Variants in NUDC observed in about 807,000 individuals in gnomAD.
NUDC encodes nuclear distribution C, dynein complex regulator.
In NUDC, 14 loss-of-function variants were observed where a neutral mutation model predicts 45.0. The ratio of observed to expected loss-of-function variants is 0.31; its 90% confidence interval spans 0.21 to 0.49. NUDC has a LOEUF of 0.49. Ranked by LOEUF, NUDC falls within the 20% of genes least tolerant of loss-of-function variation. NUDC has a pLI of 0.99. For missense variants in NUDC, 323 were observed against 426.2 expected, an observed-to-expected ratio of 0.76 and a Z score of 2.13; for synonymous variants, 153 against 156.7, an observed-to-expected ratio of 0.98 and a Z score of 0.17.
chr1:26,942,223 G>T (rs924638090), intron 4 of NUDC, among the ~76,000 whole-genome samples: 1 of 152,078 alleles, frequency 6.6e-6, no homozygotes, highest in African/African-American at 2.4e-5. Flanking sequence ...CCCGGGAGGC[G>T]GAGGTTGCCA....
intron 5 of NUDC, 35 bp downstream of exon 5, chr1:26,942,811 G>A (rs142314176): frequency 1.9e-6 from 3 of 1,614,042 alleles, no homozygotes; most frequent in Non-Finnish European, 2.5e-6. Flanking sequence ...AGCTTAGGGG[G>A]CCAGCCTGGG....
At position 26,933,316 on chromosome 1, in the gene NUDC, G is replaced by C. The variant is rs574012820; in HGVS notation, c.160-8141G>C. Among the ~76,000 whole-genome samples the C allele has an allele frequency of 2.6e-5, 4 of 152,040 alleles. No individual in the cohort carries two copies. The South Asian group carries it at 8.3e-4, about 32-fold the overall frequency. On this transcript the variant is annotated intron_variant, in intron 2 of 8. Coordinates refer to ENST00000321265, the MANE Select transcript of NUDC (RefSeq NM_006600.4). Reference sequence around the variant, plus strand: ...CTTGGTTATTGTGCATAGTACTTTTGTGAACATAGGTGCACAAATCTTTTG... The same window carrying C: ...CTTGGTTATTGTGCATAGTACTTTTCTGAACATAGGTGCACAAATCTTTTG...
At chr1:26,918,115 A>G (rs999130937), upstream of NUDC, among the ~76,000 whole-genome samples, 2 of 151,230 alleles carry the variant, frequency 1.3e-5, no homozygotes, top group Non-Finnish European at 2.9e-5. Flanking sequence ...CCCCTTGTGT[A>G]TTTATACTTC....
At chr1:26,943,916 C>T (rs1224833155) in intron 6 of NUDC, among the ~76,000 whole-genome samples, 3 of 152,080 alleles carry the variant, frequency 2.0e-5, no homozygotes, top group Admixed American at 6.5e-5. Flanking sequence ...CTTGCTTTGT[C>T]GCCCAGGCTG....
chr1:26,940,928 A>T (rs925042465), intron 2 of NUDC, among the ~76,000 whole-genome samples: 5 of 142,124 alleles, frequency 3.5e-5, no homozygotes, highest in African/African-American at 1.3e-4. Context: ...ATTTATTATT[A>T]TTATTTTTTT....
intron 3 of NUDC, chr1:26,911,277 T>G (rs537106881): frequency 2.4e-6 from 1 of 420,826 alleles, no homozygotes; most frequent in African/African-American, 2.1e-5. Context: ...GGGGAGCGGT[T>G]AGTGAAGGGT....
In NUDC at chr1:26,921,744, C is replaced by G; in HGVS notation, c.-105C>G. Reference sequence around the variant, plus strand: ...CGCGTGCGTGTTTCCGGCTCCGCTGCGGAAGGCGGACGACTAGAGTCGTTG... The same window carrying G: ...CGCGTGCGTGTTTCCGGCTCCGCTGGGGAAGGCGGACGACTAGAGTCGTTG... On this transcript the variant is annotated 5_prime_UTR_variant, in exon 1 of 9. Transcript: ENST00000321265. 1.6e-6 allele frequency: 2 copies of G among 1,253,256 alleles called. No individual in the cohort carries two copies. The highest frequency in any genetic ancestry group is 2.3e-6 in the Non-Finnish European group (2 of 884,914). 77.6% of individuals were successfully genotyped at this position (1,253,256 alleles called of 1,614,324 possible). A position where few individuals can be genotyped will look rare whatever the true frequency, so the allele number is the denominator to read the frequency against.
intron 2 of NUDC, among the ~76,000 whole-genome samples, chr1:26,939,128 G>A (rs115543599): frequency 0.034 from 5,243 of 152,182 alleles, 136 homozygotes; most frequent in Non-Finnish European, 0.051. Context: ...CAGGTAGCTG[G>A]GACTACTGGC....
chr1:26,936,967 C>G (rs1056488542), intron 2 of NUDC, among the ~76,000 whole-genome samples: 3 of 152,162 alleles, frequency 2.0e-5, no homozygotes, highest in Admixed American at 1.3e-4. Flanking sequence ...GCCCACTTGA[C>G]ACACCAGTTA....
intron 3 of NUDC, 41 bp downstream of exon 3, chr1:26,941,701 CT>C (rs780515097): frequency 8.4e-5 from 136 of 1,613,128 alleles, no homozygotes; most frequent in Non-Finnish European, 1.1e-4. Flanking sequence ...CAGATCCCCC[CT>C]GGCACTGAGC....
At chr1:26,900,374 C>T in exon 1 of NUDC, 1 of 1,614,028 alleles carries the variant, frequency 6.2e-7, no homozygotes, top group Non-Finnish European at 8.5e-7. Flanking sequence ...CCGAGCGCAA[C>T]ACGGAGGGGA....
intron 1 of NUDC, among the ~76,000 whole-genome samples, chr1:26,923,146 G>A (rs1414778240): frequency 1.3e-5 from 2 of 152,180 alleles, no homozygotes; most frequent in East Asian, 3.9e-4. Context: ...CAGCATTGCA[G>A]GTGGCAGACA....
chr1:26,923,441 T>C (rs574428625), intron 1 of NUDC, among the ~76,000 whole-genome samples: 54 of 152,272 alleles, frequency 3.5e-4, no homozygotes, highest in Non-Finnish European at 5.7e-4. Context: ...CTTCATTTGC[T>C]CTCCTCCTTC....
chr1:26,901,405 T>C (rs1171022617), intron 1 of NUDC, among the ~76,000 whole-genome samples: 1 of 140,194 alleles, frequency 7.1e-6, no homozygotes, highest in Non-Finnish European at 1.6e-5. Flanking sequence ...GTCTTTTTTT[T>C]TTTTTTTTTT....
At chr1:26,941,996 T>TA (rs1481333657) in intron 4 of NUDC, among the ~76,000 whole-genome samples, 178 bp downstream of exon 4, 2 of 151,986 alleles carry the variant, frequency 1.3e-5, no homozygotes, top group African/African-American at 2.4e-5. Flanking sequence ...GGATCCAGGT[T>TA]AAAAAAATAA....
Position 26,945,838 on chromosome 1 carries a change from C to T in NUDC, c.944+152C>T, listed in dbSNP as rs924645653. The T allele has an allele frequency of 5.2e-6, 4 of 776,266 alleles. No homozygotes were observed. In the African/African-American group the frequency reaches 6.8e-5, roughly 13 times the overall value. The allele number at this position is 776,266 out of a possible 1,614,324, so 48.1% of individuals were successfully genotyped here. A position where few individuals can be genotyped will look rare whatever the true frequency, so the allele number is the denominator to read the frequency against. On this transcript the variant is annotated intron_variant, in intron 8 of 8. Transcript: ENST00000321265. ...GCTTTATGGCTTTGGCTTGCCTACT[C>T]TTGTCATTTGCTGAGGTCATCTTGA...
chr1:26,906,576 G>A (rs529945338), intron 2 of NUDC, among the ~76,000 whole-genome samples: 10 of 152,292 alleles, frequency 6.6e-5, no homozygotes, highest in Non-Finnish European at 1.0e-4. Context: ...TGGGCCGGGC[G>A]TGGTGGCTCA....
chr1:26,905,476 GACA>G (rs1367329220), intron 2 of NUDC, among the ~76,000 whole-genome samples: 3 of 152,182 alleles, frequency 2.0e-5, no homozygotes, highest in Admixed American at 1.3e-4. Flanking sequence ...ATACTTTTTA[GACA>G]ACAATAAATT....
chr1:26,925,504 G>T (rs1306147020), intron 2 of NUDC, among the ~76,000 whole-genome samples: 1 of 126,564 alleles, frequency 7.9e-6, no homozygotes, highest in African/African-American at 3.1e-5. Context: ...TCGCGCCATT[G>T]CACTCCAGCC....
Sources: allele counts gnomAD v4.1 joint callset (sites outside exome capture counted in the v4.1 genomes callset), GRCh38; gene constraint gnomAD v4.1.1; transcripts MANE v1.5; gene names NCBI Gene and HGNC (gene_info 2026-07-23, HGNC 2026-07-21).